EXOC6B: variants seen among roughly 807,000 people sequenced by gnomAD.
EXOC6B encodes the protein exocyst complex component 6B.
A neutral mutation model predicts 113.5 loss-of-function variants in EXOC6B; 54 were observed. That is an observed-to-expected ratio of 0.48 (90% CI 0.38 to 0.60). The LOEUF (loss-of-function observed/expected upper bound fraction) is 0.60, where lower values mean the gene tolerates loss of function less well. EXOC6B is among the 20% of genes least tolerant of loss of function. EXOC6B has a pLI of 0.00. For missense variants in EXOC6B, 797 were observed against 977.5 expected (o/e 0.82, Z 2.46); for synonymous variants, 357 against 339.0 (o/e 1.05, Z -0.58).
chr2:72,422,895 C>T lies in EXOC6B; in HGVS notation c.1980+42265G>A, dbSNP rs112174802. On this transcript the variant is annotated intron_variant, in intron 18 of 21. Transcript: ENST00000272427. ...CGCACCAATCAGCGCCCTGACAAAA[C>T]AGGCCACTGGGCTCTACCAATCAGC... Among the ~76,000 whole-genome samples, 605 of 139,988 alleles carry T rather than the reference C, an allele frequency of 4.3e-3. 4 individuals are homozygous for T. Among genetic ancestry groups the T allele is most frequent in the African/African-American group, 0.019 (577 of 30,648 alleles). 91.8% of individuals were successfully genotyped at this position (139,988 alleles called of 152,430 possible). A position where few individuals can be genotyped will look rare whatever the true frequency, so the allele number is the denominator to read the frequency against.
chr2:72,641,766 G>A (rs1673259207), intron 6 of EXOC6B, among the ~76,000 whole-genome samples: 1 of 152,220 alleles, frequency 6.6e-6, no homozygotes, highest in African/African-American at 2.4e-5. Context: ...TCCTCAAGTG[G>A]GTCCCTGACC....
intron 16 of EXOC6B, among the ~76,000 whole-genome samples, chr2:72,487,866 C>G (rs1208887171): frequency 6.6e-6 from 1 of 152,182 alleles, no homozygotes; most frequent in Non-Finnish European, 1.5e-5. Context: ...AACACTTGAG[C>G]AAGGCAGCGT....
At chr2:72,389,090 A>G (rs183293470) in intron 18 of EXOC6B, among the ~76,000 whole-genome samples, 55 of 152,156 alleles carry the variant, frequency 3.6e-4, no homozygotes, top group Middle Eastern at 3.4e-3. Context: ...TAAATCTATT[A>G]TGTTGATCTT....
intron 20 of EXOC6B, among the ~76,000 whole-genome samples, chr2:72,246,085 C>T (rs1682638484): frequency 1.3e-5 from 2 of 152,150 alleles, no homozygotes; most frequent in Non-Finnish European, 2.9e-5. Context: ...GACAGGGTCT[C>T]ACTATGTTGT....
Position 72,514,615 on chromosome 2 carries a change from T to TATATAC in EXOC6B, c.1046+18_1046+19insGTATAT, listed in dbSNP as rs71871831. 2 of 368,242 alleles carry TATATAC rather than the reference T, an allele frequency of 5.4e-6. No individual in the cohort carries two copies. The highest frequency in any genetic ancestry group is 4.8e-5 in the Admixed American group (1 of 20,770). The allele number at this position is 368,242 out of a possible 1,614,324, so 22.8% of individuals were successfully genotyped here. A position where few individuals can be genotyped will look rare whatever the true frequency, so the allele number is the denominator to read the frequency against. On this transcript the variant is annotated intron_variant, in intron 10 of 21. Transcript: ENST00000272427. Reference sequence around the variant, plus strand: ...ATAAATAAATAAATAAATATATATATATATATATATATACCTACCCTACAA... The same window carrying TATATAC: ...ATAAATAAATAAATAAATATATATATATATACATATATATATATACCTACCCTACAA...
At chr2:72,352,577 C>A (rs1689717769) in intron 19 of EXOC6B, among the ~76,000 whole-genome samples, 1 of 151,456 alleles carries the variant, frequency 6.6e-6, no homozygotes, top group South Asian at 2.1e-4. Flanking sequence ...TACTGTAATA[C>A]TAGAAGTAGA....
intron 13 of EXOC6B, among the ~76,000 whole-genome samples, chr2:72,496,948 C>CATT (rs57708306): frequency 0.18 from 24,504 of 137,660 alleles, 2,572 homozygotes; most frequent in South Asian, 0.31. Context: ...TATAAATGTA[C>CATT]ATTATTATTA....
intron 17 of EXOC6B, among the ~76,000 whole-genome samples, chr2:72,467,778 A>G (rs192331393): frequency 5.8e-4 from 86 of 148,076 alleles, no homozygotes; most frequent in African/African-American, 2.1e-3. Context: ...TTTTTTATTT[A>G]TTTTTTTTTT....
intron 19 of EXOC6B, among the ~76,000 whole-genome samples, chr2:72,377,496 A>G (rs1409677971): frequency 6.6e-6 from 1 of 152,190 alleles, no homozygotes; most frequent in Non-Finnish European, 1.5e-5. Flanking sequence ...ATGTAATATA[A>G]ATAGACAATA....
chr2:72,430,323 G>T lies in EXOC6B; in HGVS notation c.1980+34837C>A, dbSNP rs543365250. ...GCTTACAATAAACTCTGAGTAAAAAGATGTAACTGTAAAACAACCTATAAA... is the reference window on the plus strand; with the variant it reads ...GCTTACAATAAACTCTGAGTAAAAATATGTAACTGTAAAACAACCTATAAA... On this transcript the variant is annotated intron_variant, in intron 18 of 21. Coordinates refer to ENST00000272427, the MANE Select transcript of EXOC6B (RefSeq NM_015189.3). 6.4e-3 allele frequency among the ~76,000 whole-genome samples: 970 copies of T among 152,270 alleles called. 4 individuals are homozygous for T. Among genetic ancestry groups the T allele is most frequent in the Non-Finnish European group, 9.9e-3 (670 of 68,018 alleles).
At chr2:72,598,987 T>C (rs1670234290) in intron 6 of EXOC6B, among the ~76,000 whole-genome samples, 1 of 152,094 alleles carries the variant, frequency 6.6e-6, no homozygotes, top group Non-Finnish European at 1.5e-5. Context: ...AAGAAATTAT[T>C]GAATTCTCTA....
At chr2:72,683,396 A>G (rs1017151995) in intron 6 of EXOC6B, among the ~76,000 whole-genome samples, 1 of 152,176 alleles carries the variant, frequency 6.6e-6, no homozygotes, top group African/African-American at 2.4e-5. Context: ...GATTTGGTAG[A>G]TCTATACTTA....
At chr2:72,622,231 C>CAA (rs755581083) in intron 6 of EXOC6B, among the ~76,000 whole-genome samples, 3 of 129,728 alleles carry the variant, frequency 2.3e-5, no homozygotes, top group Admixed American at 7.8e-5. Flanking sequence ...TGATGAAGTA[C>CAA]AAAAAAAAAA....
At chr2:72,820,815 T>C (rs1419827202) in intron 1 of EXOC6B, among the ~76,000 whole-genome samples, 1 of 152,098 alleles carries the variant, frequency 6.6e-6, no homozygotes, top group African/African-American at 2.4e-5. Flanking sequence ...CACTCCTCCT[T>C]ACATTGTAAA....
chr2:72,817,397 G>T (rs1686311073), intron 1 of EXOC6B, among the ~76,000 whole-genome samples: 1 of 152,186 alleles, frequency 6.6e-6, no homozygotes, highest in African/African-American at 2.4e-5. Flanking sequence ...CTCTCAAAAA[G>T]AAGTCATATT....
At chr2:72,662,052 G>A (rs1351620965) in intron 6 of EXOC6B, among the ~76,000 whole-genome samples, 1 of 127,858 alleles carries the variant, frequency 7.8e-6, no homozygotes, top group Non-Finnish European at 1.6e-5. Context: ...AAAGAAGAAA[G>A]GAAAGAAGGA....
intron 20 of EXOC6B, among the ~76,000 whole-genome samples, chr2:72,241,504 G>A (rs1682309379): frequency 6.6e-6 from 1 of 152,058 alleles, no homozygotes; most frequent in Non-Finnish European, 1.5e-5. Flanking sequence ...CAGGAATCTT[G>A]GAGAACATGA....
chr2:72,483,271 T>C (rs1699212420), intron 16 of EXOC6B, among the ~76,000 whole-genome samples: 1 of 152,194 alleles, frequency 6.6e-6, no homozygotes, highest in Non-Finnish European at 1.5e-5. Context: ...TGTCTTGATG[T>C]GGAAGTCAGA....
chr2:72,313,755 A>G (rs1482657925), intron 20 of EXOC6B, among the ~76,000 whole-genome samples: 1 of 152,244 alleles, frequency 6.6e-6, no homozygotes, highest in Admixed American at 6.5e-5. Flanking sequence ...TACAGCTTTT[A>G]CATTCTTATC....
Sources: allele counts gnomAD v4.1 joint callset (sites outside exome capture counted in the v4.1 genomes callset), GRCh38; gene constraint gnomAD v4.1.1; transcripts MANE v1.5; gene names NCBI Gene and HGNC (gene_info 2026-07-23, HGNC 2026-07-21).